The following SLIT3 variants were observed in gnomAD, a reference collection of about 807,000 sequenced individuals.
The protein encoded by SLIT3 is slit guidance ligand 3.
In SLIT3, 68 loss-of-function variants were observed where a neutral mutation model predicts 184.0. The ratio of observed to expected loss-of-function variants is 0.37; its 90% CI spans 0.30 to 0.45. SLIT3 has a LOEUF of 0.45. SLIT3 is among the 20% of genes least tolerant of loss of function. SLIT3 has a pLI of 1.00. For missense variants in SLIT3, 1,707 were observed against 2,026.0 expected, an observed-to-expected ratio of 0.84 and a Z score of 3.02; for synonymous variants, 831 against 828.6, an observed-to-expected ratio of 1.00 and a Z score of -0.05.
chr5:168,699,584 AG>A (rs1350133740), intron 27 of SLIT3, among the ~76,000 whole-genome samples: 1 of 152,190 alleles, frequency 6.6e-6, no homozygotes, highest in African/African-American at 2.4e-5. Flanking sequence ...GACAGGGAGG[AG>A]AAAAACCTAA....
chr5:168,883,511 T>C (rs932703091), intron 4 of SLIT3, among the ~76,000 whole-genome samples, 175 bp from the exon 5 acceptor site: 3 of 152,230 alleles, frequency 2.0e-5, no homozygotes, highest in Non-Finnish European at 4.4e-5. Context: ...GTTCTTCAAG[T>C]GATGGCCGTT....
chr5:169,165,313 G>T (rs1266556226), intron 4 of SLIT3, among the ~76,000 whole-genome samples: 1 of 152,204 alleles, frequency 6.6e-6, no homozygotes, highest in African/African-American at 2.4e-5. Context: ...CTAAAAGAGA[G>T]ATCCTATTGT....
chr5:168,884,742 A>C (rs1243034430), intron 4 of SLIT3, among the ~76,000 whole-genome samples: 4 of 151,518 alleles, frequency 2.6e-5, no homozygotes, highest in Non-Finnish European at 2.9e-5. Flanking sequence ...TATGGGTCCC[A>C]AATTGTTGGG....
rs1030167306 is a variant in SLIT3, at chr5:169,088,826, C to A, written c.413+104653G>T. Among the ~76,000 whole-genome samples, 6 of 151,942 alleles carry A rather than the reference C, an allele frequency of 3.9e-5. 1 individual carries two copies. Among genetic ancestry groups the A allele is most frequent in the Middle Eastern group, 6.8e-3 (2 of 294 alleles). ...CCTGAGGCCAGGAGTTCAAGACCAG[C>A]CTGGCCAACATGGCAAAACCCTGTC... On this transcript the variant is annotated intron_variant, in intron 4 of 35. Coordinates refer to ENST00000519560, the MANE Select transcript of SLIT3 (RefSeq NM_003062.4).
chr5:168,725,668 A>C (rs948469993), intron 20 of SLIT3, among the ~76,000 whole-genome samples: 2 of 152,222 alleles, frequency 1.3e-5, no homozygotes, highest in Non-Finnish European at 2.9e-5. Flanking sequence ...GCTAGACCAC[A>C]GATTCTGACC....
At chr5:168,951,748 C>T (rs1052882370) in intron 4 of SLIT3, among the ~76,000 whole-genome samples, 6 of 152,194 alleles carry the variant, frequency 3.9e-5, no homozygotes, top group Non-Finnish European at 8.8e-5. Flanking sequence ...TAAGGAGGTT[C>T]CTGCTGACCA....
intron 3 of SLIT3, among the ~76,000 whole-genome samples, chr5:169,206,671 C>A (rs1022223207): frequency 6.6e-6 from 1 of 152,198 alleles, no homozygotes; most frequent in African/African-American, 2.4e-5. Context: ...TTGTTCTAAA[C>A]ACTCAAAATC....
At chr5:169,098,563 T>TC (rs1420360564) in intron 4 of SLIT3, among the ~76,000 whole-genome samples, 1 of 152,180 alleles carries the variant, frequency 6.6e-6, no homozygotes, top group East Asian at 1.9e-4. Context: ...CTCTGACAAT[T>TC]CCAGACAGAC....
intron 4 of SLIT3, among the ~76,000 whole-genome samples, chr5:169,095,492 T>C (rs996278022): frequency 2.6e-5 from 4 of 152,216 alleles, no homozygotes; most frequent in Non-Finnish European, 4.4e-5. Flanking sequence ...TATGAGGGTA[T>C]TGAGAAGAGT....
intron 4 of SLIT3, among the ~76,000 whole-genome samples, chr5:168,907,965 T>TAGAGAGAG (rs1315715773): frequency 5.0e-5 from 4 of 80,116 alleles, no homozygotes; most frequent in African/African-American, 1.4e-4. Flanking sequence ...TATATATATA[T>TAGAGAGAG]ATATATATAT....
rs548699997 is a variant in SLIT3, at chr5:168,799,477, G to A, written c.936-3899C>T. On this transcript the variant is annotated intron_variant, in intron 9 of 35. Transcript: ENST00000519560. ...AAAAACAATGGGAACATCTGATGGG[G>A]ATTTCAGCCATTTGTGCTCTGTATT... 5.3e-5 allele frequency among the ~76,000 whole-genome samples: 8 copies of A among 152,348 alleles called. No individual in the cohort carries two copies. In the South Asian group the frequency reaches 1.4e-3, roughly 28 times the overall value.
intron 4 of SLIT3, among the ~76,000 whole-genome samples, chr5:169,184,596 T>C (rs1205841772): frequency 2.0e-5 from 3 of 152,186 alleles, no homozygotes; most frequent in Admixed American, 2.0e-4. Context: ...CAAAATCACC[T>C]AGGGTGCCTA....
intron 4 of SLIT3, among the ~76,000 whole-genome samples, chr5:169,175,038 G>A (rs1031418029): frequency 6.6e-6 from 1 of 152,210 alleles, no homozygotes; most frequent in Non-Finnish European, 1.5e-5. Flanking sequence ...AAGGCAGAAG[G>A]TGGGTCTGTG....
At chr5:169,125,625 G>A (rs149959982) in intron 4 of SLIT3, among the ~76,000 whole-genome samples, 2,585 of 152,268 alleles carry the variant, frequency 0.017, 41 homozygotes, top group Middle Eastern at 0.041. Context: ...GCCATTGTCA[G>A]AATCCAGTGA....
At chr5:168,952,115 G>A (rs889456567) in intron 4 of SLIT3, among the ~76,000 whole-genome samples, 5 of 152,268 alleles carry the variant, frequency 3.3e-5, no homozygotes, top group Middle Eastern at 3.4e-3. Context: ...CCCAAAGATC[G>A]CAAGTGCTGT....
intron 4 of SLIT3, among the ~76,000 whole-genome samples, chr5:168,947,022 A>G (rs116134530): frequency 0.015 from 2,348 of 152,268 alleles, 58 homozygotes; most frequent in African/African-American, 0.052. Flanking sequence ...TATGTCTCAC[A>G]CTAGCATTTT....
intron 4 of SLIT3, among the ~76,000 whole-genome samples, chr5:169,123,850 TTGC>T (rs1760978428): frequency 6.6e-6 from 1 of 152,202 alleles, no homozygotes; most frequent in South Asian, 2.1e-4. Flanking sequence ...GGCAATTTGC[TTGC>T]TGATGTTCTA....
At chr5:169,197,293 C>T (rs1453759684) in intron 3 of SLIT3, among the ~76,000 whole-genome samples, 1 of 152,118 alleles carries the variant, frequency 6.6e-6, no homozygotes, top group African/African-American at 2.4e-5. Context: ...TCGAGCAGGT[C>T]GCCTGCTGGT....
intron 16 of SLIT3, among the ~76,000 whole-genome samples, chr5:168,760,430 A>G (rs577838514): frequency 2.0e-5 from 3 of 152,326 alleles, no homozygotes; most frequent in Non-Finnish European, 4.4e-5. Context: ...TCTGATGTGT[A>G]TCACTGATGC....
Sources: gnomAD v4.1 joint callset for allele counts (sites outside exome capture counted in the v4.1 genomes callset) on GRCh38, gnomAD v4.1.1 for gene constraint, MANE v1.5 for transcripts, NCBI Gene and HGNC (gene_info 2026-07-23, HGNC 2026-07-21) for gene names.